The following CSGALNACT1 variants were observed in gnomAD, a reference collection of about 807,000 sequenced individuals.
The protein encoded by CSGALNACT1 is beta4GalNAcT-1.
A neutral mutation model predicts 51.0 loss-of-function variants in CSGALNACT1; 52 were observed. The observed-to-expected ratio is 1.02, with a 90% CI of 0.82 to 1.29. The LOEUF (loss-of-function observed/expected upper bound fraction) is 1.29. Among genes scored for constraint, CSGALNACT1 ranks in the 50% most tolerant of loss-of-function variants. The probability of loss-of-function intolerance (pLI) is 0.00; values close to 1 mark genes in which losing one functional copy is unlikely to be tolerated. For missense variants in CSGALNACT1, 935 were observed against 679.2 expected, an observed-to-expected ratio of 1.38 and a Z score of -4.19; for synonymous variants, 341 against 254.4, an observed-to-expected ratio of 1.34 and a Z score of -3.24.
chr8:19,489,689 A>C (rs866892282), intron 4 of CSGALNACT1, among the ~76,000 whole-genome samples: 2 of 152,190 alleles, frequency 1.3e-5, no homozygotes, highest in Non-Finnish European at 2.9e-5. Context: ...GAGCATAAGG[A>C]ATCTTTGCAC....
intron 1 of CSGALNACT1, among the ~76,000 whole-genome samples, chr8:19,664,844 C>T (rs1189482920): frequency 2.0e-5 from 3 of 152,124 alleles, no homozygotes; most frequent in Admixed American, 2.0e-4. Context: ...AATGTATATA[C>T]ATGGATACAG....
chr8:19,698,899 C>T (rs1444037969), intron 1 of CSGALNACT1, among the ~76,000 whole-genome samples: 2 of 152,210 alleles, frequency 1.3e-5, no homozygotes, highest in Non-Finnish European at 2.9e-5. Flanking sequence ...ATGCACAAGT[C>T]TCTTCCATAA....
chr8:19,579,264 C>A (rs1410850649), intron 3 of CSGALNACT1, among the ~76,000 whole-genome samples: 1 of 152,168 alleles, frequency 6.6e-6, no homozygotes, highest in Non-Finnish European at 1.5e-5. Context: ...GTTCCCACTC[C>A]CTCCATGTCC....
rs117848509 is a variant in CSGALNACT1, at chr8:19,483,125, C to G, written c.634+22076G>C. Among the ~76,000 whole-genome samples, 142 of 152,354 alleles carry G rather than the reference C, an allele frequency of 9.3e-4. 1 individual carries two copies. The highest frequency in any genetic ancestry group is 1.8e-3 in the Admixed American group (27 of 15,302). On this transcript the variant is annotated intron_variant, in intron 4 of 9. Coordinates refer to ENST00000454498, the Ensembl canonical transcript of CSGALNACT1. Reference sequence around the variant, plus strand: ...TCACCCACTTCTCTTATCCCTAATTCTGCTACCACAAATGAAGCTGGTAAC... The same window carrying G: ...TCACCCACTTCTCTTATCCCTAATTGTGCTACCACAAATGAAGCTGGTAAC...
chr8:19,576,905 G>A (rs1167999984), intron 3 of CSGALNACT1, among the ~76,000 whole-genome samples: 5 of 152,096 alleles, frequency 3.3e-5, no homozygotes, highest in Non-Finnish European at 5.9e-5. Flanking sequence ...ACTGGGGCAG[G>A]TCAGCAAGTG....
chr8:19,480,995 T>A (rs1342244590), intron 4 of CSGALNACT1, among the ~76,000 whole-genome samples: 1 of 152,152 alleles, frequency 6.6e-6, no homozygotes, highest in Non-Finnish European at 1.5e-5. Context: ...CTTCTCAAGT[T>A]CCAATTGCAT....
chr8:19,416,352 A>T (rs2056875749), intron 8 of CSGALNACT1, among the ~76,000 whole-genome samples: 1 of 152,028 alleles, frequency 6.6e-6, no homozygotes, highest in Non-Finnish European at 1.5e-5. Context: ...TGACCTCATG[A>T]TTCACCTGCT....
chr8:19,534,060 A>C (rs2083293513), intron 3 of CSGALNACT1, among the ~76,000 whole-genome samples: 1 of 152,194 alleles, frequency 6.6e-6, no homozygotes, highest in Non-Finnish European at 1.5e-5. Context: ...ATTTAAAATA[A>C]GTATAATATT....
intron 4 of CSGALNACT1, among the ~76,000 whole-genome samples, chr8:19,458,855 T>G (rs1309772732): frequency 6.6e-6 from 1 of 152,140 alleles, no homozygotes; most frequent in African/African-American, 2.4e-5. Context: ...GAAGACTGCA[T>G]AAAAACATGG....
At chr8:19,472,702 C>A (rs1455145274) in intron 4 of CSGALNACT1, among the ~76,000 whole-genome samples, 1 of 152,160 alleles carries the variant, frequency 6.6e-6, no homozygotes, top group Non-Finnish European at 1.5e-5. Context: ...TTCTTCCTTT[C>A]TTTTTGAGAC....
chr8:19,567,281 G>A (rs927694639), intron 3 of CSGALNACT1, among the ~76,000 whole-genome samples: 6 of 152,142 alleles, frequency 3.9e-5, no homozygotes, highest in South Asian at 2.1e-4. Context: ...GACTGTAAAC[G>A]TCAATTCTTC....
At chr8:19,457,768 G>T in intron 5 of CSGALNACT1, 1 of 1,350,800 alleles carries the variant, frequency 7.4e-7, no homozygotes, top group Non-Finnish European at 9.8e-7. Flanking sequence ...ATCCAACACC[G>T]CACAATCAAG....
chr8:19,579,641 A>G (rs1156898181), intron 3 of CSGALNACT1, among the ~76,000 whole-genome samples: 1 of 152,226 alleles, frequency 6.6e-6, no homozygotes, highest in Non-Finnish European at 1.5e-5. Flanking sequence ...TATTTAGTTC[A>G]CAGCATTGTC....
chr8:19,457,781 C>G (rs767121182), intron 5 of CSGALNACT1: 2 of 1,351,430 alleles, frequency 1.5e-6, no homozygotes, highest in Middle Eastern at 2.1e-4. Context: ...CAATCAAGGG[C>G]TTAAAGGCAC....
rs141931994 is a variant in CSGALNACT1 at position 19,751,024 on chromosome 8, T to A, written c.-297+6826A>T. Among the ~76,000 whole-genome samples the A allele has an allele frequency of 5.5e-3, 834 of 152,264 alleles. 4 individuals are homozygous for A. Among genetic ancestry groups the A allele is most frequent in the African/African-American group, 0.019 (791 of 41,554 alleles). On this transcript the variant is annotated intron_variant, in intron 1 of 1. Transcript: ENST00000517494. ...GCTGAAGCAGACCCTCTGATAAAAA[T>A]TATTTTGTTATCTTGCTCCATCATG... is the stretch of plus-strand genomic sequence containing the variant.
chr8:19,754,673 G>C (rs553049965), intron 1 of CSGALNACT1, among the ~76,000 whole-genome samples: 4 of 152,248 alleles, frequency 2.6e-5, no homozygotes, highest in South Asian at 4.1e-4. Context: ...TAGGCCTTTG[G>C]CTAATGCTTT....
chr8:19,613,346 T>C (rs1239650451), intron 1 of CSGALNACT1, among the ~76,000 whole-genome samples: 3 of 152,380 alleles, frequency 2.0e-5, no homozygotes, highest in East Asian at 1.9e-4. Flanking sequence ...AGTTAAAATA[T>C]AGATCATCCC....
intron 1 of CSGALNACT1, among the ~76,000 whole-genome samples, chr8:19,653,142 C>G (rs2057966596): frequency 6.6e-6 from 1 of 152,172 alleles, no homozygotes; most frequent in Non-Finnish European, 1.5e-5. Context: ...TTGATGGAAC[C>G]AGTATCCACT....
chr8:19,555,191 A>G (rs2089414381), intron 3 of CSGALNACT1, among the ~76,000 whole-genome samples: 1 of 152,036 alleles, frequency 6.6e-6, no homozygotes, highest in Non-Finnish European at 1.5e-5. Context: ...ATGAGCCGAG[A>G]TCGCGCCATT....
Sources: allele counts gnomAD v4.1 joint callset (sites outside exome capture counted in the v4.1 genomes callset), GRCh38; gene constraint gnomAD v4.1.1; transcripts MANE v1.5; gene names NCBI Gene and HGNC (gene_info 2026-07-23, HGNC 2026-07-21).